TET1: variants seen among roughly 807,000 people sequenced by gnomAD.
TET1 encodes the protein methylcytosine dioxygenase TET1.
A neutral mutation model predicts 148.7 loss-of-function variants in TET1; 13 were observed. The ratio of observed to expected loss-of-function variants is 0.09; its 90% CI spans 0.06 to 0.14. TET1 has a LOEUF of 0.14. TET1 is among the 10% of genes least tolerant of loss of function. The pLI is 1.00. For synonymous variants in TET1, 907 were observed against 937.2 expected, an observed-to-expected ratio of 0.97 and a Z score of 0.59; for missense variants, 2,182 against 2,553.8, an observed-to-expected ratio of 0.85 and a Z score of 3.14.
In TET1 at chr10:68,645,248, A is replaced by C; in HGVS notation, c.2519A>C (p.His840Pro). 2 of 1,613,976 alleles carry C rather than the reference A, an allele frequency of 1.2e-6. No individual in the cohort carries two copies. The highest frequency in any genetic ancestry group is 1.7e-6 in the Non-Finnish European group (2 of 1,179,934). ...FNCSSIPHSS[H>P]SIINHHASIH... ...TGCAGTTCCATTCCACATTCTTCACACTCCATCATAAATCATCATGCTAGT... is the reference window on the plus strand; with the variant it reads ...TGCAGTTCCATTCCACATTCTTCACCCTCCATCATAAATCATCATGCTAGT... Residue 840 changes from histidine to proline, a missense_variant, in exon 4 of 12, where the codon CAC becomes CCC. By Grantham distance (77) the His-to-Pro change is moderately conservative (BLOSUM62 -2). Around this residue, in one of 11 missense-constraint regions of TET1, gnomAD observed 582 missense variants for 599.5 expected, o/e 0.97. Transcript: ENST00000373644.
At chr10:68,652,416 T>C in intron 5 of TET1, 85 bp from the exon 6 acceptor site, 1 of 861,640 alleles carries the variant, frequency 1.2e-6, no homozygotes, top group Non-Finnish European at 1.8e-6. Context: ...CTATATCTTA[T>C]ATACATTAAG....
chr10:68,573,703 T>A lies in TET1; in HGVS notation c.1365T>A (p.Thr455=). ...APSKWPEPQS[T]VSYGLAVQGA... ...CCAAATGGCCTGAGCCCCAAAGCAC[T>A]GTCTCATATGGACTTGCAGTCCAGG... The change falls in exon 2 of 12, where the codon ACT becomes ACA. Residue 455 remains threonine, a synonymous_variant. Coordinates refer to ENST00000373644, the MANE Select transcript of TET1 (RefSeq NM_030625.3). The A allele has an allele frequency of 6.2e-7, 1 of 1,614,154 alleles. No individual in the cohort carries two copies. The highest frequency in any genetic ancestry group is 1.3e-5 in the African/African-American group (1 of 75,072).
At chr10:68,574,385 T>G (rs1375306336) in intron 2 of TET1, 133 bp downstream of exon 2, 3 of 732,064 alleles carry the variant, frequency 4.1e-6, no homozygotes, top group Admixed American at 6.0e-5. Context: ...TTTACTTTGG[T>G]ACAATGTTAC....
In TET1 at chr10:68,693,862, A is replaced by G. The variant is rs193195767; in HGVS notation, c.*2048A>G. ...TATTTCTTCACCAGATTTAATGGAT[A>G]AAGTTTTATGGCTCTTTATGCATCC... On this transcript the variant is annotated 3_prime_UTR_variant, in exon 12 of 12. Coordinates refer to ENST00000373644, the MANE Select transcript of TET1 (RefSeq NM_030625.3). The G allele has an allele frequency of 9.1e-5, 21 of 231,290 alleles. No homozygotes were observed. Among genetic ancestry groups the G allele is most frequent in the African/African-American group, 4.6e-4 (21 of 45,382 alleles). The allele number at this position is 231,290 out of a possible 1,614,324, so 14.3% of individuals were successfully genotyped here. A position where few individuals can be genotyped will look rare whatever the true frequency, so the allele number is the denominator to read the frequency against.
At chr10:68,608,642 C>T (rs1423169925) in intron 3 of TET1, among the ~76,000 whole-genome samples, 4 of 152,136 alleles carry the variant, frequency 2.6e-5, no homozygotes, top group African/African-American at 9.7e-5. Context: ...TCAAGTGATT[C>T]TCCTACCTCA....
chr10:68,597,647 T>A (rs2054003770), intron 2 of TET1, among the ~76,000 whole-genome samples: 1 of 152,176 alleles, frequency 6.6e-6, no homozygotes, highest in Admixed American at 6.5e-5. Flanking sequence ...TACCTACTTG[T>A]ACACCTATGT....
At chr10:68,567,300 G>A (rs914751288) in intron 1 of TET1, among the ~76,000 whole-genome samples, 6 of 152,146 alleles carry the variant, frequency 3.9e-5, no homozygotes, top group African/African-American at 1.4e-4. Context: ...ACTTTTTGGT[G>A]TGAGATCATC....
chr10:68,665,389 C>T (rs1184468071), intron 6 of TET1, among the ~76,000 whole-genome samples: 1 of 152,070 alleles, frequency 6.6e-6, no homozygotes, highest in African/African-American at 2.4e-5. Flanking sequence ...ATAATAATGT[C>T]TATTCCATGA....
chr10:68,686,303 T>A, intron 10 of TET1, 53 bp from the exon 11 acceptor site: 1 of 1,452,742 alleles, frequency 6.9e-7, no homozygotes, highest in East Asian at 2.3e-5. Flanking sequence ...ATAGCCACAA[T>A]GAATGTGCAC....
At chr10:68,564,627 C>A (rs901682635) in intron 1 of TET1, among the ~76,000 whole-genome samples, 1 of 152,188 alleles carries the variant, frequency 6.6e-6, no homozygotes, top group African/African-American at 2.4e-5. Flanking sequence ...ATGATAGATG[C>A]TTAATAACAG....
At chr10:68,631,440 T>C (rs1363841812) in intron 3 of TET1, among the ~76,000 whole-genome samples, 2 of 144,330 alleles carry the variant, frequency 1.4e-5, no homozygotes, top group East Asian at 2.0e-4. Flanking sequence ...CTTCTTTTTT[T>C]TTTTTTTTTT....
chr10:68,600,665 C>T (rs1210393997), intron 2 of TET1, among the ~76,000 whole-genome samples: 1 of 152,154 alleles, frequency 6.6e-6, no homozygotes, highest in Non-Finnish European at 1.5e-5. Context: ...AGAACTGTTC[C>T]ACTGTAGAGG....
intron 3 of TET1, among the ~76,000 whole-genome samples, chr10:68,638,688 G>A (rs2054691248): frequency 6.6e-6 from 1 of 151,852 alleles, no homozygotes; most frequent in African/African-American, 2.4e-5. Context: ...TATGATTTGA[G>A]TAGCTGTTTC....
At chr10:68,622,164 CCCTTCCTTCCTT>C (rs1198639936) in intron 3 of TET1, among the ~76,000 whole-genome samples, 1,487 of 124,034 alleles carry the variant, frequency 0.012, 19 homozygotes, top group East Asian at 0.033. Context: ...GATACCTATG[CCCTTCCTTCCTT>C]CCTTCCTTCC....
Position 68,596,084 on chromosome 10 carries a change from G to A in TET1, c.1915-4897G>A, listed in dbSNP as rs1212181225. Among the ~76,000 whole-genome samples, 4 of 138,618 alleles carry A rather than the reference G, an allele frequency of 2.9e-5. No individual in the cohort carries two copies. The East Asian group carries it at 8.4e-4, about 29-fold the overall frequency. 90.9% of individuals were successfully genotyped at this position (138,618 alleles called of 152,430 possible). A position where few individuals can be genotyped will look rare whatever the true frequency, so the allele number is the denominator to read the frequency against. ...GAGACAGTCTCTTCCTGTTGCCCAGGCTGCAGTGCAGTGGCGCAATCTCAG... is the reference window on the plus strand; with the variant it reads ...GAGACAGTCTCTTCCTGTTGCCCAGACTGCAGTGCAGTGGCGCAATCTCAG... On this transcript the variant is annotated intron_variant, in intron 2 of 11. Transcript: ENST00000373644.
At chr10:68,605,703 C>G (rs984051458) in intron 3 of TET1, among the ~76,000 whole-genome samples, 1 of 152,052 alleles carries the variant, frequency 6.6e-6, no homozygotes, top group African/African-American at 2.4e-5. Flanking sequence ...TTAGTAGAGA[C>G]GAGGTTTTGC....
At position 68,691,623 on chromosome 10, in the gene TET1, A is replaced by G. The variant is rs2055595246; in HGVS notation, c.6220A>G (p.Lys2074Glu). 1 of 1,614,204 alleles carries G rather than the reference A, an allele frequency of 6.2e-7. No homozygotes were observed. Among genetic ancestry groups the G allele is most frequent in the Non-Finnish European group, 8.5e-7 (1 of 1,180,030 alleles). The change falls in exon 12 of 12, where the codon AAG becomes GAG. Residue 2074 changes from lysine to glutamate, a missense_variant. Physicochemically the swap from Lys to Glu is moderately conservative, Grantham distance 56. This residue lies in a region of TET1 where 54 missense variants were observed against 44.4 expected (regional missense o/e 1.22). Coordinates refer to ENST00000373644, the MANE Select transcript of TET1 (RefSeq NM_030625.3). The surrounding 1 kb of genome is among the most constrained non-coding windows in gnomAD (Gnocchi z 4.4). Reference sequence around the variant, plus strand: ...GATTAAGTTTGAGGCTAAAGAAGCTAAGAATAAGAAAATGAAGGCCTCAGA... The same window carrying G: ...GATTAAGTTTGAGGCTAAAGAAGCTGAGAATAAGAAAATGAAGGCCTCAGA... ...NKIKFEAKEA[K>E]NKKMKASEQK...
intron 2 of TET1, among the ~76,000 whole-genome samples, chr10:68,582,795 G>A (rs1306165614): frequency 6.6e-6 from 1 of 152,118 alleles, no homozygotes. Context: ...TCAATTGAGG[G>A]CAGATGTTAT....
intron 2 of TET1, among the ~76,000 whole-genome samples, chr10:68,594,575 C>T (rs1470653083): frequency 1.3e-5 from 2 of 152,140 alleles, no homozygotes; most frequent in Non-Finnish European, 2.9e-5. Flanking sequence ...AGTGGACCAA[C>T]CGCTTACATC....
Sources: gnomAD v4.1 joint callset for allele counts (sites outside exome capture counted in the v4.1 genomes callset) on GRCh38, gnomAD v4.1.1 for gene constraint, gnomAD v4.1.1 regional missense constraint, Gnocchi (gnomAD v3.1) non-coding constraint, MANE v1.5 for transcripts, NCBI Gene and HGNC (gene_info 2026-07-23, HGNC 2026-07-21) for gene names.